MAPRE2: variants seen among roughly 807,000 people sequenced by gnomAD.
MAPRE2 encodes the protein microtubule associated protein RP/EB family member 2.
In MAPRE2, 13 loss-of-function variants were observed where a neutral mutation model predicts 43.2. The observed-to-expected ratio is 0.30, with a 90% CI of 0.20 to 0.48. The LOEUF is 0.48. MAPRE2 is among the 20% of genes least tolerant of loss of function. MAPRE2 has a pLI of 0.99. For missense variants in MAPRE2, 161 were observed against 400.2 expected, an observed-to-expected ratio of 0.40 and a Z score of 5.10; for synonymous variants, 135 against 148.8, an observed-to-expected ratio of 0.91 and a Z score of 0.68.
In MAPRE2 at chr18:35,041,565, C is replaced by T. The variant is rs1196529655; in HGVS notation, c.26C>T (p.Ser9Phe). Residue 9 changes from serine to phenylalanine, a missense_variant, in exon 1 of 7, where the codon TCC becomes TTC. Ser to Phe is a radical substitution (Grantham distance 155). Around this residue, in one of 2 missense-constraint regions of MAPRE2, gnomAD observed 65 missense variants for 246.9 expected, o/e 0.26. Coordinates refer to ENST00000300249, the MANE Select transcript of MAPRE2 (RefSeq NM_014268.4). Reference protein sequence around the residue: MPGPTQTLSPNGENNNDII... With the variant: MPGPTQTLFPNGENNNDII... ...ATGCCTGGGCCGACCCAAACCCTGT[C>T]CCCAAATGGCGAGAACAACAACGAC... is the stretch of plus-strand genomic sequence containing the variant. 1 of 1,614,108 alleles carries T rather than the reference C, an allele frequency of 6.2e-7. No individual in the cohort carries two copies. The highest frequency in any genetic ancestry group is 1.3e-5 in the African/African-American group (1 of 74,940).
intron 3 of MAPRE2, among the ~76,000 whole-genome samples, chr18:35,099,399 G>C (rs990042274): frequency 2.0e-5 from 3 of 152,200 alleles, no homozygotes; most frequent in Non-Finnish European, 2.9e-5. Context: ...AGGGTCACTT[G>C]AGGCCAGGAG....
chr18:35,011,285 G>A (rs1193274440), intron 2 of MAPRE2, among the ~76,000 whole-genome samples: 1 of 152,194 alleles, frequency 6.6e-6, no homozygotes, highest in East Asian at 1.9e-4. Context: ...CGAAGGAAAA[G>A]GAAGAGCTAG....
At position 35,110,547 on chromosome 18, in the gene MAPRE2, A is replaced by G. The variant is rs372185095; in HGVS notation, c.610+8388A>G. Among the ~76,000 whole-genome samples, 10 of 152,214 alleles carry G rather than the reference A, an allele frequency of 6.6e-5. No homozygotes were observed. In the East Asian group the frequency reaches 7.7e-4, roughly 12 times the overall value. On this transcript the variant is annotated intron_variant, in intron 4 of 6. Transcript: ENST00000300249. ...ATTTTTACTATTTTCAACGTTCTTC[A>G]TTTCTGAACACCCAAGTTCCCTAGC...
chr18:34,978,554 A>C (rs753309509), intron 1 of MAPRE2: 1 of 1,551,622 alleles, frequency 6.4e-7, no homozygotes, highest in South Asian at 1.2e-5. Context: ...AATCTGAAGA[A>C]TGGCAACATT....
At chr18:34,985,509 A>G (rs1603386285) in intron 1 of MAPRE2, among the ~76,000 whole-genome samples, 1 of 61,184 alleles carries the variant, frequency 1.6e-5, no homozygotes, top group African/African-American at 8.3e-5. Flanking sequence ...ATAATATATA[A>G]TATATATATT....
chr18:35,007,549 G>A (rs911652208), intron 2 of MAPRE2, among the ~76,000 whole-genome samples: 2 of 152,220 alleles, frequency 1.3e-5, no homozygotes, highest in African/African-American at 4.8e-5. Flanking sequence ...TAAAGAGATG[G>A]CCTTGGCTGT....
At chr18:35,001,513 CAAAA>C (rs57415569) in intron 1 of MAPRE2, among the ~76,000 whole-genome samples, 21 of 137,168 alleles carry the variant, frequency 1.5e-4, no homozygotes, top group Non-Finnish European at 2.4e-4. Context: ...GACTTTGTCT[CAAAA>C]AAAAAAAAAA....
At position 35,102,005 on chromosome 18, in the gene MAPRE2, A is replaced by G. The variant is rs370977273; in HGVS notation, c.456A>G (p.Gln152=). The G allele has an allele frequency of 5.6e-6, 9 of 1,612,934 alleles. No individual in the cohort carries two copies. Among genetic ancestry groups the G allele is most frequent in the East Asian group, 2.2e-5 (1 of 44,718 alleles). Reference sequence around the variant, plus strand: ...TCCAGGACAACCTGGATTTTATTCAATGGTTTAAGAAATTCTATGATGCTA... The same window carrying G: ...TCCAGGACAACCTGGATTTTATTCAGTGGTTTAAGAAATTCTATGATGCTA... ...GRFQDNLDFI[Q]WFKKFYDANY... is the part of the protein sequence containing the mutation. The change falls in exon 4 of 7, where the codon CAA becomes CAG. Residue 152 remains glutamine (Q), a synonymous_variant. Transcript: ENST00000300249.
chr18:35,005,987 A>G (rs9960112), intron 2 of MAPRE2, among the ~76,000 whole-genome samples: 3,213 of 152,270 alleles, frequency 0.021, 117 homozygotes, highest in African/African-American at 0.072. Flanking sequence ...GCGTGCGAGC[A>G]TGTCTGTGAC....
intron 1 of MAPRE2, among the ~76,000 whole-genome samples, chr18:34,999,130 G>A (rs1254110224): frequency 2.0e-5 from 3 of 152,046 alleles, no homozygotes; most frequent in Non-Finnish European, 4.4e-5. Context: ...CACGTAACAT[G>A]CATTCTGCCA....
At chr18:35,112,092 A>G (rs1909199950) in intron 4 of MAPRE2, among the ~76,000 whole-genome samples, 1 of 152,224 alleles carries the variant, frequency 6.6e-6, no homozygotes, top group African/African-American at 2.4e-5. Flanking sequence ...TTTTCTTACT[A>G]GCCCCATAAT....
intron 1 of MAPRE2, among the ~76,000 whole-genome samples, chr18:35,055,535 C>CTGTGTGTGTGTG (rs1321118157): frequency 1.3e-4 from 8 of 60,224 alleles, no homozygotes; most frequent in East Asian, 7.5e-4. Context: ...CTATTCAGTT[C>CTGTGTGTGTGTG]TCTGTGTGTG....
chr18:35,111,601 A>G lies in MAPRE2; in HGVS notation c.610+9442A>G, dbSNP rs1321057508. Among the ~76,000 whole-genome samples the G allele has an allele frequency of 2.6e-5, 4 of 152,242 alleles. No individual in the cohort carries two copies. The East Asian group carries it at 5.8e-4, about 22-fold the overall frequency. ...CAGGCACTTAACTCAATTAGAGTCC[A>G]AGGGAAAAATACTCAGGAAGTTAAC... On this transcript the variant is annotated intron_variant, in intron 4 of 6. Coordinates refer to ENST00000300249, the MANE Select transcript of MAPRE2 (RefSeq NM_014268.4).
rs1555917894 is a variant in MAPRE2 at position 35,095,363 on chromosome 18, T to TATAC, written c.251-2082_251-2081insTACA. On this transcript the variant is annotated intron_variant, in intron 2 of 6. Transcript: ENST00000300249. Reference sequence around the variant, plus strand: ...AAACAGGATCACATTTTTAAGAAAATACACACACACACACACACACACACA... The same window carrying TATAC: ...AAACAGGATCACATTTTTAAGAAAATATACACACACACACACACACACACACACA... 3.4e-4 allele frequency among the ~76,000 whole-genome samples: 46 copies of TATAC among 136,166 alleles called. No homozygotes were observed. In the East Asian group the frequency reaches 8.6e-3, roughly 25 times the overall value. The allele number at this position is 136,166 out of a possible 152,430, so 89.3% of individuals were successfully genotyped here.
At chr18:35,080,814 G>GTT (rs397858068) in intron 2 of MAPRE2, among the ~76,000 whole-genome samples, 1 of 80,250 alleles carries the variant, frequency 1.2e-5, no homozygotes, top group African/African-American at 1.1e-4. Flanking sequence ...TTCAGATTGC[G>GTT]TTTTTTTTTT....
At chr18:34,985,311 T>TAATATAA (rs1568961542) in intron 1 of MAPRE2, among the ~76,000 whole-genome samples, 1 of 39,558 alleles carries the variant, frequency 2.5e-5, no homozygotes, top group African/African-American at 1.2e-4. Context: ...ATTGTATATA[T>TAATATAA]TATATTATAT....
At chr18:35,045,692 A>T (rs1296152254) in intron 1 of MAPRE2, among the ~76,000 whole-genome samples, 1 of 152,212 alleles carries the variant, frequency 6.6e-6, no homozygotes, top group African/African-American at 2.4e-5. Flanking sequence ...GCTCACTTTT[A>T]TCAGAACATA....
intron 4 of MAPRE2, among the ~76,000 whole-genome samples, chr18:35,111,972 A>G (rs1240765103): frequency 6.6e-6 from 1 of 152,160 alleles, no homozygotes; most frequent in African/African-American, 2.4e-5. Context: ...GCTATTTTAC[A>G]GTCCCCAGTC....
intron 4 of MAPRE2, among the ~76,000 whole-genome samples, chr18:35,111,178 G>A (rs1909158129): frequency 6.6e-6 from 1 of 152,080 alleles, no homozygotes; most frequent in Non-Finnish European, 1.5e-5. Flanking sequence ...TTCTGTTGAT[G>A]TAAATTCAAG....
Sources: gnomAD v4.1 joint callset for allele counts (sites outside exome capture counted in the v4.1 genomes callset) on GRCh38, gnomAD v4.1.1 for gene constraint, gnomAD v4.1.1 regional missense constraint, MANE v1.5 for transcripts, NCBI Gene and HGNC (gene_info 2026-07-23, HGNC 2026-07-21) for gene names.